The following SRSF5 variants were observed in gnomAD, a reference collection of about 807,000 sequenced individuals.
SRSF5 encodes serine/arginine-rich splicing factor 5.
Under a neutral mutation model 34.0 loss-of-function variants are expected in SRSF5, and 5 were observed. The observed-to-expected ratio is 0.15, with a 90% confidence interval of 0.08 to 0.31. SRSF5 has a LOEUF of 0.31. Ranked by LOEUF, SRSF5 falls within the 10% of genes least tolerant of loss-of-function variation. The pLI, the probability that SRSF5 is intolerant of heterozygous loss-of-function variation, is 1.00. For missense variants in SRSF5, 223 were observed against 351.4 expected (o/e 0.63, Z 2.92); for synonymous variants, 164 against 117.7 (o/e 1.39, Z -2.55).
intron 5 of SRSF5, 178 bp downstream of exon 5, chr14:69,769,429 A>G: frequency 6.6e-7 from 1 of 1,526,268 alleles, no homozygotes; most frequent in South Asian, 1.2e-5. Context: ...AATATTAGTG[A>G]TCAAATGTAA....
At chr14:69,769,084 A>G in intron 4 of SRSF5, 98 bp from the exon 5 acceptor site, 3 of 1,441,376 alleles carry the variant, frequency 2.1e-6, no homozygotes, top group Non-Finnish European at 1.9e-6. Context: ...AAGTCATTAG[A>G]ATGGCTTGTG....
chr14:69,769,782 G>C, intron 5 of SRSF5: 1 of 1,353,542 alleles, frequency 7.4e-7, no homozygotes, highest in Non-Finnish European at 9.5e-7. Context: ...AGGTCCGGTC[G>C]AAAAGAGTTG....
chr14:69,771,251 A>ATCCCGT lies in SRSF5; in HGVS notation c.616_621dup (p.Ser208_Arg209dup). On this transcript the variant is annotated inframe_insertion, in exon 8 of 8. Coordinates refer to ENST00000557154, the MANE Select transcript of SRSF5 (RefSeq NM_001320214.2). ...GAAGTTCCTCTAGGTCTCGTAGCCG[A>ATCCCGT]TCCCGTTCCCGTAGTCGCAAATCTT... The ATCCCGT allele has an allele frequency of 6.2e-7, 1 of 1,614,128 alleles. No individual in the cohort carries two copies. The highest frequency in any genetic ancestry group is 8.5e-7 in the Non-Finnish European group (1 of 1,180,034).
chr14:69,767,660 C>T (rs889098482), intron 1 of SRSF5: 3 of 376,360 alleles, frequency 8.0e-6, no homozygotes, highest in East Asian at 7.6e-5. Context: ...GCTCTGCTGC[C>T]TTTGATTCCA....
At position 69,767,167 on chromosome 14, in the gene SRSF5, G is replaced by A. The variant is rs1882544830; in HGVS notation, c.-108G>A. 2.9e-6 allele frequency: 1 copy of A among 347,892 alleles called. No individual in the cohort carries two copies. Among genetic ancestry groups the A allele is most frequent in the Non-Finnish European group, 5.7e-6 (1 of 175,906 alleles). The allele number at this position is 347,892 out of a possible 1,614,324, so 21.6% of individuals were successfully genotyped here. A position where few individuals can be genotyped will look rare whatever the true frequency, so the allele number is the denominator to read the frequency against. On this transcript the variant is annotated 5_prime_UTR_variant, in exon 1 of 8. Coordinates refer to ENST00000557154, the MANE Select transcript of SRSF5 (RefSeq NM_001320214.2). ...GTCAGTTGTGGAGTGGCGTAGACGA[G>A]TTAAGTCCTGGTCTGCGTGGAGGTC...
chr14:69,770,169 T>C (rs1304081824), intron 5 of SRSF5: 2 of 1,096,042 alleles, frequency 1.8e-6, no homozygotes, highest in East Asian at 5.7e-5. Flanking sequence ...TTTCCTTTTT[T>C]GTTGTTTTTT....
chr14:69,769,120 C>G, intron 4 of SRSF5, 62 bp from the exon 5 acceptor site: 1 of 1,587,488 alleles, frequency 6.3e-7, no homozygotes, highest in Non-Finnish European at 8.6e-7. Flanking sequence ...AACTTGCCCA[C>G]AGTTGAACAC....
chr14:69,770,469 T>C lies in SRSF5; in HGVS notation c.369T>C (p.Asp123=). ...TAACACAATTATCTTGTGTTAAGGA[T>C]CTCAAAGATTTCATGAGACAAGCTG... ...ENLSSRVSWQ[D]LKDFMRQAGE... The change falls in exon 6 of 8, where the codon GAT becomes GAC. Residue 123 remains aspartate (D), a splice_region_variant and synonymous_variant. Transcript: ENST00000557154. 1 of 1,613,988 alleles carries C rather than the reference T, an allele frequency of 6.2e-7. No individual in the cohort carries two copies. The highest frequency in any genetic ancestry group is 8.5e-7 in the Non-Finnish European group (1 of 1,179,978).
In SRSF5 at chr14:69,771,501, CAAAAA is replaced by C; in HGVS notation, c.*41_*45del. The C allele has an allele frequency of 2.7e-6, 4 of 1,500,244 alleles. No individual in the cohort carries two copies. Among genetic ancestry groups the C allele is most frequent in the Non-Finnish European group, 3.6e-6 (4 of 1,117,242 alleles). The allele number at this position is 1,500,244 out of a possible 1,614,324, so 92.9% of individuals were successfully genotyped here. A position where few individuals can be genotyped will look rare whatever the true frequency, so the allele number is the denominator to read the frequency against. ...GCCCTGGGGGCCTTTTTTTAAAAAA[CAAAAA>C]CCACAAAAATTCCCAAACCATACTT... is the stretch of plus-strand genomic sequence containing the variant. On this transcript the variant is annotated 3_prime_UTR_variant, in exon 8 of 8. Transcript: ENST00000557154.
chr14:69,768,186 A>G lies in SRSF5; in HGVS notation c.30A>G (p.Arg10=). 1 of 1,614,194 alleles carries G rather than the reference A, an allele frequency of 6.2e-7. No homozygotes were observed. The highest frequency in any genetic ancestry group is 8.5e-7 in the Non-Finnish European group (1 of 1,180,042). Residue 10 remains arginine, a synonymous_variant, in exon 2 of 8, where the codon AGA becomes AGG. Coordinates refer to ENST00000557154, the MANE Select transcript of SRSF5 (RefSeq NM_001320214.2). ...GTGGCTGTCGGGTATTCATCGGGAG[A>G]CTAAATCCAGCGGCCAGGGAGAAGG... The part of the protein sequence containing the change: MSGCRVFIG[R]LNPAAREKDV...
rs888384310 is a variant in SRSF5 at position 69,771,358 on chromosome 14, G to A, written c.716G>A (p.Ser239Asn). 1 of 1,614,076 alleles carries A rather than the reference G, an allele frequency of 6.2e-7. No individual in the cohort carries two copies. The highest frequency in any genetic ancestry group is 8.5e-7 in the Non-Finnish European group (1 of 1,180,054). Reference sequence around the variant, plus strand: ...AGTAGGTCTCCCGTGCCTGAGAAGAGCCAGAAACGTGGTTCTTCAAGTAGA... The same window carrying A: ...AGTAGGTCTCCCGTGCCTGAGAAGAACCAGAAACGTGGTTCTTCAAGTAGA... ...SVSRSPVPEK[S>N]QKRGSSSRSK... The change falls in exon 8 of 8, where the codon AGC becomes AAC. Residue 239 changes from serine (S) to asparagine (N), a missense_variant. Coordinates refer to ENST00000557154, the MANE Select transcript of SRSF5 (RefSeq NM_001320214.2).
intron 5 of SRSF5, chr14:69,769,488 A>C: frequency 6.5e-7 from 1 of 1,535,422 alleles, no homozygotes; most frequent in Non-Finnish European, 8.7e-7. Context: ...TTTTAACCAA[A>C]TATTAAACCC....
At chr14:69,769,598 CT>C (rs1368984113) in intron 5 of SRSF5, 2 of 1,535,388 alleles carry the variant, frequency 1.3e-6, no homozygotes, top group East Asian at 4.9e-5. Context: ...GCCTGGTTGA[CT>C]TTGCCAGTCA....
chr14:69,771,683 T>G lies in SRSF5; in HGVS notation c.*222T>G, dbSNP rs531272655. ...TCTTTTGATAAGCCTTCTGCTCACA[T>G]TTTTGTGAATGTCTGAAGTATATAG... On this transcript the variant is annotated 3_prime_UTR_variant, in exon 8 of 8. Coordinates refer to ENST00000557154, the MANE Select transcript of SRSF5 (RefSeq NM_001320214.2). The G allele has an allele frequency of 1.3e-5, 7 of 551,732 alleles. No homozygotes were observed. In the African/African-American group the frequency reaches 1.3e-4, roughly 10 times the overall value. 34.2% of individuals were successfully genotyped at this position (551,732 alleles called of 1,614,324 possible). A position where few individuals can be genotyped will look rare whatever the true frequency, so the allele number is the denominator to read the frequency against.
In SRSF5 at chr14:69,768,593, T is replaced by C; in HGVS notation, c.127-11T>C. ...AAAGCCAATGTTAAGAGTCTTATGC[T>C]TACATTTTAGGAATTTGAGGATCCA... On this transcript the variant is annotated splice_polypyrimidine_tract_variant and intron_variant, in intron 2 of 7. Transcript: ENST00000557154. 1 of 1,613,836 alleles carries C rather than the reference T, an allele frequency of 6.2e-7. No homozygotes were observed. The highest frequency in any genetic ancestry group is 1.6e-4 in the Middle Eastern group (1 of 6,062).
chr14:69,770,647 C>A, intron 6 of SRSF5, 107 bp downstream of exon 6: 1 of 1,076,024 alleles, frequency 9.3e-7, no homozygotes, highest in South Asian at 1.4e-5. Context: ...AGAGATTCTC[C>A]AGAGACAATT....
chr14:69,767,955 T>C, intron 1 of SRSF5, 183 bp from the exon 2 acceptor site: 1 of 597,886 alleles, frequency 1.7e-6, no homozygotes, highest in Non-Finnish European at 2.9e-6. Context: ...CGGACCGTGT[T>C]GGGAGGGAGC....
chr14:69,771,135 G>A, intron 7 of SRSF5, 30 bp downstream of exon 7: 1 of 1,612,946 alleles, frequency 6.2e-7, no homozygotes, highest in Non-Finnish European at 8.5e-7. Flanking sequence ...GTCAAAAGTT[G>A]TATTTAATGG....
chr14:69,769,636 T>A, intron 5 of SRSF5: 1 of 1,533,648 alleles, frequency 6.5e-7, no homozygotes, highest in Admixed American at 2.0e-5. Context: ...GTTGGCCACC[T>A]CTAGATCTGT....
Sources: allele counts gnomAD v4.1 joint callset, GRCh38; gene constraint gnomAD v4.1.1; transcripts MANE v1.5; gene names NCBI Gene and HGNC (gene_info 2026-07-23, HGNC 2026-07-21).